The following SCAPER variants were observed in gnomAD, a reference collection of about 807,000 sequenced individuals.
SCAPER encodes S phase cyclin A-associated protein in the endoplasmic reticulum.
In SCAPER, 98 loss-of-function variants were observed where a neutral mutation model predicts 182.2. That is an observed-to-expected ratio of 0.54 (90% confidence interval 0.46 to 0.64). SCAPER has a LOEUF of 0.64. Among genes scored for constraint, SCAPER ranks in the 30% least tolerant of loss-of-function variants. The probability of loss-of-function intolerance (pLI) is 0.00; values close to 1 mark genes in which losing one functional copy is unlikely to be tolerated. For missense variants in SCAPER, 1,432 were observed against 1,690.0 expected (o/e 0.85, Z 2.68); for synonymous variants, 605 against 564.6 (o/e 1.07, Z -1.01).
intron 23 of SCAPER, among the ~76,000 whole-genome samples, chr15:76,534,030 C>T (rs1049147209): frequency 6.6e-6 from 1 of 152,138 alleles, no homozygotes; most frequent in East Asian, 1.9e-4. Flanking sequence ...CAATATATAG[C>T]AACTAGTATA....
At chr15:76,887,417 G>A (rs781118305) in intron 1 of SCAPER, among the ~76,000 whole-genome samples, 5 of 152,140 alleles carry the variant, frequency 3.3e-5, no homozygotes, top group African/African-American at 4.8e-5. Context: ...AGCCGTGGCA[G>A]ACTGTACCTG....
intron 14 of SCAPER, among the ~76,000 whole-genome samples, chr15:76,763,174 A>T (rs1273449901): frequency 6.6e-6 from 1 of 152,020 alleles, no homozygotes; most frequent in Non-Finnish European, 1.5e-5. Context: ...CTCAATTTTC[A>T]TGTGTCTGGG....
chr15:76,567,554 C>T (rs1473095614), intron 23 of SCAPER: 1 of 219,032 alleles, frequency 4.6e-6, no homozygotes, highest in African/African-American at 2.4e-5. Flanking sequence ...TATTTTCAGT[C>T]TAATTTTTGT....
chr15:76,793,869 G>A (rs763486878), intron 8 of SCAPER, among the ~76,000 whole-genome samples: 1 of 152,180 alleles, frequency 6.6e-6, no homozygotes, highest in Admixed American at 6.5e-5. Context: ...TTGTGGGGTT[G>A]AGCCCTCAAC....
In SCAPER at chr15:76,435,210, AAGAG is replaced by A. The variant is rs565462073; in HGVS notation, c.3079-904_3079-901del. On this transcript the variant is annotated intron_variant, in intron 25 of 31. Transcript: ENST00000563290. ...AATGTCATCCTATCATGTACTTGGA[AAGAG>A]AGAAAGAATCAGAACATCTGTTAAA... 1.2e-3 allele frequency among the ~76,000 whole-genome samples: 183 copies of A among 152,338 alleles called. 2 individuals carry two copies. The highest frequency in any genetic ancestry group is 0.011 in the Admixed American group (167 of 15,310).
At chr15:76,356,135 T>G (rs1407199633) in intron 29 of SCAPER, among the ~76,000 whole-genome samples, 2 of 151,996 alleles carry the variant, frequency 1.3e-5, no homozygotes, top group African/African-American at 2.4e-5. Flanking sequence ...TTTTAGACAT[T>G]GTGGAGACAG....
chr15:76,447,187 C>T (rs2048058415), intron 25 of SCAPER, among the ~76,000 whole-genome samples: 1 of 152,126 alleles, frequency 6.6e-6, no homozygotes, highest in South Asian at 2.1e-4. Flanking sequence ...GCTTCAGGAG[C>T]ATGAAACACA....
chr15:76,810,554 CACACACACACACA>C (rs2066520308), intron 5 of SCAPER, among the ~76,000 whole-genome samples: 1 of 42,578 alleles, frequency 2.3e-5, no homozygotes, highest in Non-Finnish European at 4.5e-5. Flanking sequence ...AAAAAAACCA[CACACACACACACA>C]CACACACACA....
chr15:76,652,256 TAAAAA>T (rs1160100739), intron 21 of SCAPER, among the ~76,000 whole-genome samples: 1 of 5,694 alleles, frequency 1.8e-4, no homozygotes, highest in African/African-American at 6.6e-4. Flanking sequence ...GTGTCTCTGC[TAAAAA>T]AAAAAAAAAA....
chr15:76,704,235 T>A (rs1322472103), intron 18 of SCAPER, among the ~76,000 whole-genome samples: 2 of 152,208 alleles, frequency 1.3e-5, no homozygotes, highest in African/African-American at 4.8e-5. Context: ...AAATGTTAGA[T>A]GAGTAGGTTG....
At chr15:76,770,943 A>G (rs2063433161) in intron 10 of SCAPER, among the ~76,000 whole-genome samples, 1 of 152,034 alleles carries the variant, frequency 6.6e-6, no homozygotes, top group Non-Finnish European at 1.5e-5. Flanking sequence ...TAAACAACCA[A>G]TATCAAGTTT....
chr15:76,479,645 C>T (rs1271525296), intron 24 of SCAPER, among the ~76,000 whole-genome samples: 1 of 152,038 alleles, frequency 6.6e-6, no homozygotes, highest in Non-Finnish European at 1.5e-5. Flanking sequence ...AAGTGTAGTA[C>T]ACAGCTAAGA....
At chr15:76,362,241 G>C (rs2041477830) in intron 29 of SCAPER, among the ~76,000 whole-genome samples, 1 of 152,028 alleles carries the variant, frequency 6.6e-6, no homozygotes, top group South Asian at 2.1e-4. Flanking sequence ...CCAAAGTGCT[G>C]AGATTACAAG....
rs1361399153 is a variant in SCAPER, at chr15:76,376,213, A to C, written c.3804T>G (p.His1268Gln). ...CSQVSCESLL[H>Q]EVIVCVGYFT... ...AGTAGCCCACACAGACGATGACCTC[A>C]TGAAGGAGGCTTTCACAGGAGACTT... is the stretch of plus-strand genomic sequence containing the variant. Residue 1268 changes from histidine (H) to glutamine (Q), a missense_variant, in exon 29 of 32, where the codon CAT (histidine) becomes CAG (glutamine). This residue lies in a region of SCAPER where 718 missense variants were observed against 799.7 expected (regional missense o/e 0.90). Coordinates refer to ENST00000563290, the MANE Select transcript of SCAPER (RefSeq NM_020843.4). 1 of 1,613,876 alleles carries C rather than the reference A, an allele frequency of 6.2e-7. No individual in the cohort carries two copies. The highest frequency in any genetic ancestry group is 8.5e-7 in the Non-Finnish European group (1 of 1,179,890).
intron 17 of SCAPER, among the ~76,000 whole-genome samples, chr15:76,715,511 A>G (rs938341260): frequency 1.3e-5 from 2 of 151,876 alleles, no homozygotes; most frequent in Non-Finnish European, 2.9e-5. Flanking sequence ...AGGAGTGGTT[A>G]TTGCTGCATT....
chr15:76,840,857 T>TACA (rs1364120980), intron 5 of SCAPER, among the ~76,000 whole-genome samples: 1 of 152,212 alleles, frequency 6.6e-6, no homozygotes, highest in East Asian at 1.9e-4. Flanking sequence ...AATATCCTAC[T>TACA]ACAAACACAA....
At chr15:76,387,091 A>G (rs1470378020) in intron 27 of SCAPER, among the ~76,000 whole-genome samples, 3 of 152,220 alleles carry the variant, frequency 2.0e-5, no homozygotes, top group Non-Finnish European at 4.4e-5. Context: ...GATTCTGAAA[A>G]TATTCAGACG....
At chr15:76,713,972 C>A (rs1399871387) in intron 17 of SCAPER, among the ~76,000 whole-genome samples, 1 of 152,002 alleles carries the variant, frequency 6.6e-6, no homozygotes, top group African/African-American at 2.4e-5. Flanking sequence ...GCCAAAAAAA[C>A]TGGAGATAAT....
chr15:76,849,473 C>A (rs1263550863), intron 4 of SCAPER, among the ~76,000 whole-genome samples: 1 of 152,200 alleles, frequency 6.6e-6, no homozygotes, highest in Admixed American at 6.5e-5. Context: ...ACAGACCCTC[C>A]ATCCTGTGAT....
Sources: gnomAD v4.1 joint callset for allele counts (sites outside exome capture counted in the v4.1 genomes callset) on GRCh38, gnomAD v4.1.1 for gene constraint, gnomAD v4.1.1 regional missense constraint, MANE v1.5 for transcripts, NCBI Gene and HGNC (gene_info 2026-07-23, HGNC 2026-07-21) for gene names.